The following RASEF variants were observed in gnomAD, a reference collection of about 807,000 sequenced individuals.
RASEF encodes RAS and EF-hand domain containing, also known as ras and EF-hand domain-containing protein.
Under a neutral mutation model 90.1 loss-of-function variants are expected in RASEF, and 68 were observed. The observed-to-expected ratio is 0.75, with a 90% CI of 0.62 to 0.92. RASEF has a LOEUF of 0.92. Among genes scored for constraint, RASEF ranks in the 40% least tolerant of loss-of-function variants. The pLI, the probability that RASEF is intolerant of heterozygous loss-of-function variation, is 0.00. For missense variants in RASEF, 949 were observed against 937.2 expected (o/e 1.01, Z -0.16); for synonymous variants, 331 against 345.2 (o/e 0.96, Z 0.46).
At chr9:83,093,249 G>A in the RASEF span, among the ~76,000 whole-genome samples, 49 of 152,324 alleles carry the variant, frequency 3.2e-4, no homozygotes, top group Admixed American at 1.2e-3. Flanking sequence ...GGTGGATCCC[G>A]CACCAGGCTG....
the RASEF span, among the ~76,000 whole-genome samples, chr9:83,081,331 C>T: frequency 2.0e-5 from 3 of 152,158 alleles, no homozygotes; most frequent in East Asian, 1.9e-4. Context: ...CATATTGTTT[C>T]GTACAGAAAA....
chr9:83,020,216 GAAGA>G (rs922374128), intron 3 of RASEF, among the ~76,000 whole-genome samples: 3 of 152,318 alleles, frequency 2.0e-5, no homozygotes, highest in African/African-American at 7.2e-5. Flanking sequence ...AGGGCATCAA[GAAGA>G]AAGTGAGGGT....
At chr9:83,165,346 CAG>C in the RASEF span, among the ~76,000 whole-genome samples, 1 of 152,028 alleles carries the variant, frequency 6.6e-6, no homozygotes, top group Admixed American at 6.5e-5. Context: ...AAATTAATAA[CAG>C]AAAGACAGCC....
the RASEF span, among the ~76,000 whole-genome samples, chr9:83,162,171 G>A: frequency 2.0e-5 from 3 of 152,096 alleles, no homozygotes; most frequent in Non-Finnish European, 4.4e-5. Context: ...TAGGCACTAG[G>A]TCTCCAGGTT....
the RASEF span, among the ~76,000 whole-genome samples, chr9:83,074,105 T>C: frequency 2.0e-5 from 3 of 152,186 alleles, no homozygotes; most frequent in Non-Finnish European, 2.9e-5. Context: ...AGGGCAGATA[T>C]GTCATGAAAT....
chr9:83,123,307 C>G, the RASEF span, among the ~76,000 whole-genome samples: 1 of 151,296 alleles, frequency 6.6e-6, no homozygotes, highest in Non-Finnish European at 1.5e-5. Context: ...CAAGGTCATG[C>G]CTATCTATAA....
At chr9:83,129,171 C>G in the RASEF span, among the ~76,000 whole-genome samples, 3 of 151,998 alleles carry the variant, frequency 2.0e-5, no homozygotes, top group African/African-American at 7.2e-5. Flanking sequence ...CTTTGGGAGG[C>G]TGAGGTGGGC....
At chr9:83,216,545 A>G in the RASEF span, among the ~76,000 whole-genome samples, 122 of 152,276 alleles carry the variant, frequency 8.0e-4, 1 homozygote, top group South Asian at 3.1e-3. Context: ...ACCACTGCCT[A>G]TATTTCAGAG....
intron 1 of RASEF, among the ~76,000 whole-genome samples, chr9:83,035,643 A>G (rs1406533298): frequency 6.6e-6 from 1 of 152,140 alleles, no homozygotes; most frequent in Non-Finnish European, 1.5e-5. Context: ...TCTTCTATCA[A>G]CTTAACCTGA....
chr9:83,183,660 T>C, the RASEF span, among the ~76,000 whole-genome samples: 2 of 152,236 alleles, frequency 1.3e-5, no homozygotes, highest in Non-Finnish European at 2.9e-5. Flanking sequence ...TATAATCATT[T>C]TAAAAAGCGG....
chr9:83,149,857 A>G, the RASEF span, among the ~76,000 whole-genome samples: 1 of 152,176 alleles, frequency 6.6e-6, no homozygotes, highest in Non-Finnish European at 1.5e-5. Flanking sequence ...ACCAATGACC[A>G]ATTCCTGAAT....
chr9:83,132,517 C>T, the RASEF span, among the ~76,000 whole-genome samples: 1 of 152,134 alleles, frequency 6.6e-6, no homozygotes, highest in East Asian at 1.9e-4. Flanking sequence ...TGATTATTGT[C>T]TTATGCCTCT....
the RASEF span, among the ~76,000 whole-genome samples, chr9:83,091,628 T>C: frequency 6.6e-6 from 1 of 152,230 alleles, no homozygotes. Context: ...GCCTTTTCTT[T>C]TGAGCTTTTT....
the RASEF span, among the ~76,000 whole-genome samples, chr9:83,216,935 A>C: frequency 6.6e-6 from 1 of 152,172 alleles, no homozygotes; most frequent in Non-Finnish European, 1.5e-5. Flanking sequence ...AAATGCTGCA[A>C]ACACTCAACA....
the RASEF span, among the ~76,000 whole-genome samples, chr9:83,096,639 C>A: frequency 5.3e-4 from 80 of 150,298 alleles, no homozygotes; most frequent in Non-Finnish European, 1.0e-3. Context: ...TTTTTTTTTT[C>A]TTTTATTATA....
the RASEF span, among the ~76,000 whole-genome samples, chr9:83,184,130 A>C: frequency 6.6e-6 from 1 of 152,200 alleles, no homozygotes; most frequent in African/African-American, 2.4e-5. Flanking sequence ...CCACAAGTCA[A>C]TGGGGGAAGG....
chr9:83,144,415 A>AG, the RASEF span, among the ~76,000 whole-genome samples: 1 of 149,628 alleles, frequency 6.7e-6, no homozygotes, highest in African/African-American at 2.5e-5. Context: ...AAAGAAAGAA[A>AG]GAAAAGAAAA....
the RASEF span, among the ~76,000 whole-genome samples, chr9:83,211,418 T>C: frequency 6.6e-5 from 10 of 152,190 alleles, no homozygotes; most frequent in Non-Finnish European, 1.5e-4. Context: ...ATTGAACTGG[T>C]TGTTCTCAGC....
At chr9:83,131,317 T>G in the RASEF span, among the ~76,000 whole-genome samples, 1 of 152,092 alleles carries the variant, frequency 6.6e-6, no homozygotes, top group African/African-American at 2.4e-5. Context: ...GGCAAAAAAA[T>G]TATGAGATAG....
Sources: gnomAD v4.1 joint callset for allele counts (sites outside exome capture counted in the v4.1 genomes callset) on GRCh38, gnomAD v4.1.1 for gene constraint, MANE v1.5 for transcripts, NCBI Gene and HGNC (gene_info 2026-07-23, HGNC 2026-07-21) for gene names.